MSR1: variants seen among roughly 807,000 people sequenced by gnomAD.
MSR1 encodes the protein macrophage scavenger receptor 1.
Under a neutral mutation model 47.2 loss-of-function variants are expected in MSR1, and 53 were observed. That is an observed-to-expected ratio of 1.12 (90% CI 0.90 to 1.41). MSR1 has a LOEUF of 1.41. Among genes scored for constraint, MSR1 ranks in the 40% most tolerant of loss-of-function variants. The probability of loss-of-function intolerance (pLI) is 0.00; values close to 1 mark genes in which losing one functional copy is unlikely to be tolerated. For missense variants in MSR1, 786 were observed against 546.9 expected (o/e 1.44, Z -4.36); for synonymous variants, 239 against 185.6 (o/e 1.29, Z -2.34).
At chr8:16,111,950 T>A (rs1464492545) in intron 9 of MSR1, among the ~76,000 whole-genome samples, 1 of 150,560 alleles carries the variant, frequency 6.6e-6, no homozygotes, top group Admixed American at 6.6e-5. Flanking sequence ...TTAGACTTAC[T>A]TATTTAGCAA....
At chr8:16,116,337 A>C (rs559259656) in intron 9 of MSR1, among the ~76,000 whole-genome samples, 2 of 152,222 alleles carry the variant, frequency 1.3e-5, no homozygotes, top group Admixed American at 1.3e-4. Flanking sequence ...TTTAAGTTAG[A>C]AAACTCCTAA....
chr8:16,128,220 T>C (rs538268596), intron 8 of MSR1, among the ~76,000 whole-genome samples: 2 of 152,208 alleles, frequency 1.3e-5, no homozygotes, highest in East Asian at 3.9e-4. Flanking sequence ...AGACAGAGGA[T>C]CAATTCTTGA....
At chr8:16,139,307 G>A (rs779181587) in intron 8 of MSR1, 461 of 982,856 alleles carry the variant, frequency 4.7e-4, no homozygotes, top group Non-Finnish European at 5.2e-4. Flanking sequence ...AGATCACTGC[G>A]AAGCATACCT....
intron 3 of MSR1, among the ~76,000 whole-genome samples, chr8:16,173,508 C>T (rs917748516): frequency 1.3e-5 from 2 of 152,152 alleles, no homozygotes; most frequent in African/African-American, 2.4e-5. Flanking sequence ...TAATGCCAAA[C>T]GTGTCAGGTC....
At chr8:16,172,128 T>A (rs939780995) in intron 3 of MSR1, among the ~76,000 whole-genome samples, 1 of 152,188 alleles carries the variant, frequency 6.6e-6, no homozygotes, top group Non-Finnish European at 1.5e-5. Context: ...AACACAGTCA[T>A]CTCTCTGCTT....
At chr8:16,184,328 A>T (rs1275645703) in intron 1 of MSR1, among the ~76,000 whole-genome samples, 4 of 152,132 alleles carry the variant, frequency 2.6e-5, no homozygotes, top group Non-Finnish European at 5.9e-5. Context: ...GCTTTCAGGA[A>T]ATAAAATGTT....
At chr8:16,188,201 A>G (rs1327121985) in intron 1 of MSR1, among the ~76,000 whole-genome samples, 2 of 152,170 alleles carry the variant, frequency 1.3e-5, no homozygotes, top group Non-Finnish European at 2.9e-5. Flanking sequence ...AGTTTACAGG[A>G]AATTCATAAT....
Position 16,114,031 on chromosome 8 carries a change from C to T in MSR1, c.1223-3813G>A, listed in dbSNP as rs553279403. Among the ~76,000 whole-genome samples the T allele has an allele frequency of 3.3e-5, 5 of 152,168 alleles. No individual in the cohort carries two copies. In the South Asian group the frequency reaches 8.3e-4, roughly 25 times the overall value. ...GATTACCCAGCTGTATGGACCAGCC[C>T]TATACTACTTTCCATAATATTTAAC... On this transcript the variant is annotated intron_variant, in intron 9 of 9. Transcript: ENST00000262101.
Position 16,107,892 on chromosome 8 carries a change from T to TG in MSR1, c.*2192_*2193insC, listed in dbSNP as rs1308407433. ...AAAAAACCAAATCGCAAATTTCTGTTTTTTTTAATGGAACAAATGCAATTC... is the reference window on the plus strand; with the variant it reads ...AAAAAACCAAATCGCAAATTTCTGTTGTTTTTTAATGGAACAAATGCAATTC... On this transcript the variant is annotated 3_prime_UTR_variant, in exon 10 of 10. Coordinates refer to ENST00000262101, the MANE Select transcript of MSR1 (RefSeq NM_138715.3). The TG allele has an allele frequency of 6.6e-6, 1 of 151,836 alleles. No individual in the cohort carries two copies. Among genetic ancestry groups the TG allele is most frequent in the African/African-American group, 2.4e-5 (1 of 41,364 alleles). 9.4% of individuals were successfully genotyped at this position (151,836 alleles called of 1,614,324 possible). A position where few individuals can be genotyped will look rare whatever the true frequency, so the allele number is the denominator to read the frequency against.
intron 6 of MSR1, among the ~76,000 whole-genome samples, chr8:16,152,393 C>A (rs762687788): frequency 6.6e-6 from 1 of 152,014 alleles, no homozygotes; most frequent in Non-Finnish European, 1.5e-5. Context: ...TAAAGATATA[C>A]GTGGATATAA....
chr8:16,174,990 C>T (rs556462525), intron 3 of MSR1, among the ~76,000 whole-genome samples, 197 bp downstream of exon 3: 1 of 151,960 alleles, frequency 6.6e-6, no homozygotes, highest in South Asian at 2.1e-4. Flanking sequence ...TTTGTTTTTT[C>T]TAATTTAAAA....
intron 8 of MSR1, among the ~76,000 whole-genome samples, chr8:16,134,468 A>T (rs1209254992): frequency 2.6e-5 from 4 of 152,128 alleles, no homozygotes; most frequent in Non-Finnish European, 4.4e-5. Context: ...CCCGTAAAAG[A>T]TGGCAAACTT....
chr8:16,170,904 A>AT (rs1371291558), intron 3 of MSR1, among the ~76,000 whole-genome samples: 1 of 152,200 alleles, frequency 6.6e-6, no homozygotes, highest in African/African-American at 2.4e-5. Context: ...TTAAATAGGC[A>AT]TATCTATTCC....
At chr8:16,180,903 G>T (rs1385221227) in intron 1 of MSR1, among the ~76,000 whole-genome samples, 1 of 152,052 alleles carries the variant, frequency 6.6e-6, no homozygotes, top group Non-Finnish European at 1.5e-5. Flanking sequence ...TGACCACTGT[G>T]GAGAAAGGGA....
At chr8:16,180,495 G>A (rs925772869) in intron 1 of MSR1, among the ~76,000 whole-genome samples, 10 of 152,144 alleles carry the variant, frequency 6.6e-5, no homozygotes, top group Non-Finnish European at 1.5e-4. Context: ...AGGTGATTAT[G>A]ACTTCTTTTG....
intron 8 of MSR1, among the ~76,000 whole-genome samples, chr8:16,141,340 A>G (rs1035923292): frequency 7.2e-5 from 11 of 152,182 alleles, no homozygotes; most frequent in African/African-American, 2.7e-4. Flanking sequence ...AGAGTGTTGA[A>G]TGTAGCATTG....
At chr8:16,135,354 T>A (rs773398503) in intron 8 of MSR1, among the ~76,000 whole-genome samples, 1 of 152,126 alleles carries the variant, frequency 6.6e-6, no homozygotes, top group Non-Finnish European at 1.5e-5. Flanking sequence ...CTAAATGTCC[T>A]CTCCCTGTGC....
intron 9 of MSR1, among the ~76,000 whole-genome samples, chr8:16,115,616 T>A (rs1363425548): frequency 6.6e-6 from 1 of 152,210 alleles, no homozygotes; most frequent in East Asian, 1.9e-4. Flanking sequence ...TTTTGCTTTA[T>A]TATTTTAAAA....
intron 8 of MSR1, chr8:16,140,644 C>T (rs1585153841): frequency 1.7e-6 from 2 of 1,192,124 alleles, no homozygotes; most frequent in East Asian, 8.6e-5. Flanking sequence ...TCTCCTAGAA[C>T]CCAATAAATT....
Sources: allele counts gnomAD v4.1 joint callset (sites outside exome capture counted in the v4.1 genomes callset), GRCh38; gene constraint gnomAD v4.1.1; transcripts MANE v1.5; gene names NCBI Gene and HGNC (gene_info 2026-07-23, HGNC 2026-07-21).